The following SPMIP2 variants were observed in gnomAD, a reference collection of about 807,000 sequenced individuals.
SPMIP2 encodes protein SPMIP2.
the SPMIP2 span, chr4:158,893,614 C>T: frequency 1.7e-6 from 2 of 1,196,472 alleles, no homozygotes; most frequent in Non-Finnish European, 2.4e-6. Context: ...ATGAGAAGCA[C>T]TTGTGGATTA....
chr4:159,004,776 G>GT, the SPMIP2 span, among the ~76,000 whole-genome samples: 219 of 151,752 alleles, frequency 1.4e-3, no homozygotes, highest in Admixed American at 6.4e-3. Flanking sequence ...GTGTCAAGCT[G>GT]TTTTTTTTAC....
the SPMIP2 span, among the ~76,000 whole-genome samples, chr4:159,052,949 A>ATT: frequency 7.2e-5 from 7 of 97,772 alleles, no homozygotes; most frequent in African/African-American, 1.9e-4. Context: ...TATTATTATT[A>ATT]TTATTATTTT....
the SPMIP2 span, among the ~76,000 whole-genome samples, chr4:159,009,645 T>C: frequency 6.6e-6 from 1 of 152,236 alleles, no homozygotes; most frequent in East Asian, 1.9e-4. Context: ...CATGTTTCCG[T>C]TGCTATTGAG....
the SPMIP2 span, among the ~76,000 whole-genome samples, chr4:158,964,720 T>C: frequency 6.6e-6 from 1 of 152,282 alleles, no homozygotes; most frequent in Non-Finnish European, 1.5e-5. Context: ...ACTGGGTAAT[T>C]TGTAAAGGAA....
At chr4:158,934,082 C>T in the SPMIP2 span, among the ~76,000 whole-genome samples, 1 of 152,244 alleles carries the variant, frequency 6.6e-6, no homozygotes, top group East Asian at 1.9e-4. Flanking sequence ...TTTACATACT[C>T]AAGATCAGAC....
chr4:158,943,674 A>T, the SPMIP2 span, among the ~76,000 whole-genome samples: 1 of 152,168 alleles, frequency 6.6e-6, no homozygotes, highest in South Asian at 2.1e-4. Flanking sequence ...ACTTACATGT[A>T]TAAGTGCATT....
the SPMIP2 span, among the ~76,000 whole-genome samples, chr4:159,011,421 G>C: frequency 2.7e-4 from 41 of 152,076 alleles, no homozygotes; most frequent in African/African-American, 9.4e-4. Context: ...CAACATTTAG[G>C]GTTTTGTAAT....
At chr4:158,931,205 T>C in the SPMIP2 span, among the ~76,000 whole-genome samples, 32 of 152,294 alleles carry the variant, frequency 2.1e-4, 1 homozygote, top group East Asian at 5.2e-3. Context: ...CTTGAGCTCC[T>C]CTAGTAAATT....
At chr4:158,979,136 A>G in the SPMIP2 span, among the ~76,000 whole-genome samples, 1 of 150,804 alleles carries the variant, frequency 6.6e-6, no homozygotes, top group Non-Finnish European at 1.5e-5. Flanking sequence ...GGCTCCGGAG[A>G]CTTTGTTCAC....
At chr4:159,067,878 A>C in the SPMIP2 span, among the ~76,000 whole-genome samples, 1 of 152,258 alleles carries the variant, frequency 6.6e-6, no homozygotes, top group African/African-American at 2.4e-5. Flanking sequence ...TCAAAAGAAG[A>C]CATTTATGCA....
At chr4:158,914,537 T>C in the SPMIP2 span, among the ~76,000 whole-genome samples, 1 of 152,234 alleles carries the variant, frequency 6.6e-6, no homozygotes, top group Non-Finnish European at 1.5e-5. Context: ...CAAACTCTAT[T>C]GAAAAACTGG....
At chr4:158,975,597 T>C in the SPMIP2 span, among the ~76,000 whole-genome samples, 1 of 152,208 alleles carries the variant, frequency 6.6e-6, no homozygotes, top group African/African-American at 2.4e-5. Context: ...CTGTCAAAGA[T>C]CAGATGGTTG....
the SPMIP2 span, among the ~76,000 whole-genome samples, chr4:158,977,570 GGGTTTTTTGT>G: frequency 6.6e-5 from 1 of 15,124 alleles, no homozygotes; most frequent in Non-Finnish European, 2.0e-4. Flanking sequence ...ATTTTTTGAA[GGGTTTTTTGT>G]GTCTCTATCT....
chr4:158,951,462 A>G, the SPMIP2 span, among the ~76,000 whole-genome samples: 1 of 152,236 alleles, frequency 6.6e-6, no homozygotes, highest in Non-Finnish European at 1.5e-5. Flanking sequence ...AAGGTAAACA[A>G]TATAGTATTG....
At chr4:159,075,678 A>G in the SPMIP2 span, among the ~76,000 whole-genome samples, 1 of 152,182 alleles carries the variant, frequency 6.6e-6, no homozygotes, top group Non-Finnish European at 1.5e-5. Flanking sequence ...TCATAGACCA[A>G]TACTCAGGGA....
chr4:159,054,445 A>G, the SPMIP2 span, among the ~76,000 whole-genome samples: 2 of 152,132 alleles, frequency 1.3e-5, no homozygotes, highest in Non-Finnish European at 2.9e-5. Flanking sequence ...GCCAGGGATC[A>G]TGTTGACAAG....
At chr4:158,924,681 C>A in the SPMIP2 span, among the ~76,000 whole-genome samples, 1 of 152,138 alleles carries the variant, frequency 6.6e-6, no homozygotes, top group Non-Finnish European at 1.5e-5. Flanking sequence ...TGCACCTGGC[C>A]TATTTGTTTT....
chr4:159,022,078 T>C, the SPMIP2 span, among the ~76,000 whole-genome samples: 1 of 152,276 alleles, frequency 6.6e-6, no homozygotes, highest in South Asian at 2.1e-4. Context: ...AAGAGGGTGG[T>C]GATAGCTACT....
the SPMIP2 span, among the ~76,000 whole-genome samples, chr4:158,913,163 A>T: frequency 6.6e-6 from 1 of 152,218 alleles, no homozygotes; most frequent in Non-Finnish European, 1.5e-5. Context: ...CCTAGACTGA[A>T]TCCTGGATCA....
Sources: gnomAD v4.1 joint callset for allele counts (sites outside exome capture counted in the v4.1 genomes callset) on GRCh38, gnomAD v4.1.1 for gene constraint, MANE v1.5 for transcripts, NCBI Gene and HGNC (gene_info 2026-07-23, HGNC 2026-07-21) for gene names.